Variants in ASPHD2 observed in about 807,000 individuals in gnomAD.
ASPHD2 encodes aspartate beta-hydroxylase domain-containing protein 2.
In ASPHD2, 12 loss-of-function variants were observed where a neutral mutation model predicts 34.6. The observed-to-expected ratio is 0.35, with a 90% CI of 0.22 to 0.56. The LOEUF is 0.56. ASPHD2 is among the 20% of genes least tolerant of loss of function. The pLI is 0.87. For missense variants in ASPHD2, 375 were observed against 505.0 expected, an observed-to-expected ratio of 0.74 and a Z score of 2.47; for synonymous variants, 224 against 212.2, an observed-to-expected ratio of 1.06 and a Z score of -0.48.
In ASPHD2 at chr22:26,442,447, T is replaced by C. The variant is rs749308600; in HGVS notation, c.887-12T>C. On this transcript the variant is annotated splice_polypyrimidine_tract_variant and intron_variant, in intron 2 of 3. Transcript: ENST00000215906. ...CCTGCCTTCACTCTCCTTTCTCTGG[T>C]TTTCCTACAAGGTCTGAAAACTCCA... The C allele has an allele frequency of 4.5e-6, 7 of 1,561,960 alleles. No homozygotes were observed. The highest frequency in any genetic ancestry group is 1.7e-6 in the Non-Finnish European group (2 of 1,150,174).
chr22:26,434,461 G>C lies in ASPHD2; in HGVS notation c.846G>C (p.Glu282Asp). 2.5e-6 allele frequency: 4 copies of C among 1,611,384 alleles called. No homozygotes were observed. Among genetic ancestry groups the C allele is most frequent in the Non-Finnish European group, 3.4e-6 (4 of 1,177,914 alleles). The part of the protein sequence containing the change: ...SVLSPGTVIT[E>D]HYGPTNIRIR... ...TGAGCCCTGGGACTGTGATAACGGA[G>C]CACTATGGACCCACCAACATCCGCA... The change falls in exon 2 of 4, where the codon GAG (glutamate) becomes GAC (aspartate). Residue 282 changes from glutamate to aspartate, a missense_variant. Physicochemically the swap from Glu to Asp is conservative, Grantham distance 45 (BLOSUM62 2). Around this residue, in one of 3 missense-constraint regions of ASPHD2, gnomAD observed 142 missense variants for 217.9 expected, o/e 0.65. Transcript: ENST00000215906.
At chr22:26,430,354 A>T (rs1335831029) in intron 1 of ASPHD2, among the ~76,000 whole-genome samples, 2 of 152,146 alleles carry the variant, frequency 1.3e-5, no homozygotes, top group Non-Finnish European at 2.9e-5. Context: ...CTTGGATTGG[A>T]CTTGCTCTCC....
chr22:26,432,868 A>T (rs1482526764), intron 1 of ASPHD2, among the ~76,000 whole-genome samples: 1 of 152,172 alleles, frequency 6.6e-6, no homozygotes. Flanking sequence ...AGGATGATGA[A>T]ATGCTTGCAA....
At chr22:26,435,566 C>T (rs1306609916) in intron 2 of ASPHD2, among the ~76,000 whole-genome samples, 1 of 152,168 alleles carries the variant, frequency 6.6e-6, no homozygotes, top group Non-Finnish European at 1.5e-5. Context: ...TAACCACGTT[C>T]TGCAGAGGAG....
intron 2 of ASPHD2, 149 bp from the exon 3 acceptor site, chr22:26,442,310 C>T: frequency 1.7e-6 from 1 of 598,442 alleles, no homozygotes; most frequent in East Asian, 2.9e-5. Context: ...GCCCACAAGC[C>T]TTCAGACCAT....
chr22:26,429,808 C>T lies in ASPHD2; in HGVS notation c.-225+322C>T, dbSNP rs73160847. ...CCTTCTCCCCTGTGACCCCTCTTTC[C>T]TCACCTCCTGTCCCCTCCCCCAGCC... On this transcript the variant is annotated intron_variant, in intron 1 of 3. Transcript: ENST00000215906. This position sits in a 1 kb window ranked among gnomAD's most constrained non-coding sequence, Gnocchi z 4.5. 0.24 allele frequency among the ~76,000 whole-genome samples: 37,054 copies of T among 151,656 alleles called. 4,676 individuals are homozygous for T. The highest frequency in any genetic ancestry group is 0.4 in the South Asian group (1,919 of 4,794).
Position 26,433,874 on chromosome 22 carries a change from G to C in ASPHD2, c.259G>C (p.Val87Leu). 2 of 1,613,820 alleles carry C rather than the reference G, an allele frequency of 1.2e-6. No homozygotes were observed. The highest frequency in any genetic ancestry group is 1.7e-6 in the Non-Finnish European group (2 of 1,180,038). Residue 87 changes from valine to leucine, a missense_variant, in exon 2 of 4, where the codon GTC (valine) becomes CTC (leucine). Around this residue, in one of 3 missense-constraint regions of ASPHD2, gnomAD observed 223 missense variants for 257.8 expected, o/e 0.87. Coordinates refer to ENST00000215906, the MANE Select transcript of ASPHD2 (RefSeq NM_020437.5). This position sits in a 1 kb window ranked among gnomAD's most constrained non-coding sequence, Gnocchi z 5.1. ...HVGREQPRPY[V>L]SVNSLMQAAD... is the part of the protein sequence containing the mutation. ...GGGCAGGGAGCAGCCCCGGCCCTAC[G>C]TCTCCGTCAACTCCCTCATGCAGGC...
Position 26,443,238 on chromosome 22 carries a change from G to C in ASPHD2, c.*32G>C, listed in dbSNP as rs775015859. The C allele has an allele frequency of 1.9e-6, 3 of 1,579,426 alleles. No homozygotes were observed. Among genetic ancestry groups the C allele is most frequent in the East Asian group, 2.2e-5 (1 of 44,716 alleles). On this transcript the variant is annotated 3_prime_UTR_variant, in exon 4 of 4. Coordinates refer to ENST00000215906, the MANE Select transcript of ASPHD2 (RefSeq NM_020437.5). ...TTCCCATGCTGGAGTCGGCGAGAAGGGCCGAGGCGGGGCCTGGGCAGACTG... is the reference window on the plus strand; with the variant it reads ...TTCCCATGCTGGAGTCGGCGAGAAGCGCCGAGGCGGGGCCTGGGCAGACTG...
intron 1 of ASPHD2, among the ~76,000 whole-genome samples, chr22:26,431,014 G>C (rs1281391105): frequency 2.0e-5 from 3 of 152,150 alleles, no homozygotes; most frequent in African/African-American, 7.2e-5. Context: ...GATCAGCAGG[G>C]CTGATGGGAA....
rs937873259 is a variant in ASPHD2 at position 26,429,450 on chromosome 22, C to G, written c.-261C>G. 2 of 149,004 alleles carry G rather than the reference C, an allele frequency of 1.3e-5. No individual in the cohort carries two copies. Among genetic ancestry groups the G allele is most frequent in the African/African-American group, 4.9e-5 (2 of 41,008 alleles). 9.2% of individuals were successfully genotyped at this position (149,004 alleles called of 1,614,324 possible). A position where few individuals can be genotyped will look rare whatever the true frequency, so the allele number is the denominator to read the frequency against. On this transcript the variant is annotated 5_prime_UTR_variant, in exon 1 of 4. Coordinates refer to ENST00000215906, the MANE Select transcript of ASPHD2 (RefSeq NM_020437.5). The surrounding 1 kb of genome is among the most constrained non-coding windows in gnomAD (Gnocchi z 4.5). ...TCCGCGCCCTCGGGCGGCGGCGTCT[C>G]CTGGGTCCCGGCAGCCGTCCGCGCG...
At position 26,444,311 on chromosome 22, in the gene ASPHD2, T is replaced by C; in HGVS notation, c.*1105T>C. On this transcript the variant is annotated 3_prime_UTR_variant, in exon 4 of 4. Transcript: ENST00000215906. ...TAGTGGAAGAGTTGGCCCTGTGTCT[T>C]TGTCATGGCACAAAGGTGTGCACTG... is the stretch of plus-strand genomic sequence containing the variant. 1 of 152,198 alleles carries C rather than the reference T, an allele frequency of 6.6e-6. No homozygotes were observed. The highest frequency in any genetic ancestry group is 1.9e-4 in the East Asian group (1 of 5,198). The allele number at this position is 152,198 out of a possible 1,614,324, so 9.4% of individuals were successfully genotyped here.
At chr22:26,440,022 A>G (rs1330648097) in intron 2 of ASPHD2, among the ~76,000 whole-genome samples, 1 of 152,270 alleles carries the variant, frequency 6.6e-6, no homozygotes, top group Non-Finnish European at 1.5e-5. Flanking sequence ...TTGTGGTCAC[A>G]GTGAGTCACT....
At chr22:26,437,893 T>C (rs1424821335) in intron 2 of ASPHD2, among the ~76,000 whole-genome samples, 2 of 152,162 alleles carry the variant, frequency 1.3e-5, no homozygotes, top group African/African-American at 4.8e-5. Context: ...TGAGGCCATG[T>C]GTGGGACCTG....
At chr22:26,435,795 A>C (rs2146129184) in intron 2 of ASPHD2, among the ~76,000 whole-genome samples, 1 of 152,314 alleles carries the variant, frequency 6.6e-6, no homozygotes, top group African/African-American at 2.4e-5. Flanking sequence ...TTGACATGGT[A>C]GGAATTTCAA....
At chr22:26,437,393 CAT>C (rs1392909807) in intron 2 of ASPHD2, among the ~76,000 whole-genome samples, 2 of 152,248 alleles carry the variant, frequency 1.3e-5, no homozygotes, top group African/African-American at 4.8e-5. Flanking sequence ...TTGTTCGAGA[CAT>C]ATTTGCTGAG....
chr22:26,433,920 A>T lies in ASPHD2; in HGVS notation c.305A>T (p.Gln102Leu). ...CAGGCTGCCGATGCCAACGGGCTGC[A>T]GAATGGCTACGTGTACTGCCAGTCC... Reference protein sequence around the residue: ...LMQAADANGLQNGYVYCQSPE... With the variant: ...LMQAADANGLLNGYVYCQSPE... Residue 102 changes from glutamine (Q) to leucine (L), a missense_variant, in exon 2 of 4, where the codon CAG becomes CTG. Gln to Leu is a moderately radical substitution (Grantham distance 113). Coordinates refer to ENST00000215906, the MANE Select transcript of ASPHD2 (RefSeq NM_020437.5). This position sits in a 1 kb window ranked among gnomAD's most constrained non-coding sequence, Gnocchi z 5.1. 1.2e-6 allele frequency: 2 copies of T among 1,613,674 alleles called. No individual in the cohort carries two copies. Among genetic ancestry groups the T allele is most frequent in the Non-Finnish European group, 8.5e-7 (1 of 1,180,042 alleles).
Position 26,433,841 on chromosome 22 carries a change from T to A in ASPHD2, c.226T>A (p.Tyr76Asn). ...CLLVLFVWYC[Y>N]HVGREQPRPY... ...CCTGGTCCTCTTCGTGTGGTACTGT[T>A]ATCACGTGGGCAGGGAGCAGCCCCG... The change falls in exon 2 of 4, where the codon TAT becomes AAT. Residue 76 changes from tyrosine (Y) to asparagine (N), a missense_variant. Coordinates refer to ENST00000215906, the MANE Select transcript of ASPHD2 (RefSeq NM_020437.5). This position sits in a 1 kb window ranked among gnomAD's most constrained non-coding sequence, Gnocchi z 5.1. 1 of 1,613,980 alleles carries A rather than the reference T, an allele frequency of 6.2e-7. No homozygotes were observed. The highest frequency in any genetic ancestry group is 8.5e-7 in the Non-Finnish European group (1 of 1,180,020).
intron 2 of ASPHD2, among the ~76,000 whole-genome samples, chr22:26,435,667 G>C (rs529514385): frequency 6.6e-6 from 1 of 151,982 alleles, no homozygotes; most frequent in Admixed American, 6.6e-5. Flanking sequence ...TCTGTGTGGG[G>C]GTTCTGAGTA....
At position 26,431,615 on chromosome 22, in the gene ASPHD2, T is replaced by A. The variant is rs2084756734; in HGVS notation, c.-224-1777T>A. On this transcript the variant is annotated intron_variant, in intron 1 of 3. Transcript: ENST00000215906. The stretch of plus-strand genomic sequence containing the variant: ...AGGCAGTTAATGAGCACCTAAGGTT[T>A]CCCTTTCATTTTTAGCTTAGCAAGT... 3.9e-5 allele frequency among the ~76,000 whole-genome samples: 6 copies of A among 152,170 alleles called. No individual in the cohort carries two copies. The South Asian group carries it at 1.2e-3, about 32-fold the overall frequency.
Sources: gnomAD v4.1 joint callset for allele counts (sites outside exome capture counted in the v4.1 genomes callset) on GRCh38, gnomAD v4.1.1 for gene constraint, gnomAD v4.1.1 regional missense constraint, Gnocchi (gnomAD v3.1) non-coding constraint, MANE v1.5 for transcripts, NCBI Gene and HGNC (gene_info 2026-07-23, HGNC 2026-07-21) for gene names.